Variants in NOVA2 observed in about 807,000 individuals in gnomAD.
The protein encoded by NOVA2 is RNA-binding protein Nova-2.
In NOVA2, 9 loss-of-function variants were observed where a neutral mutation model predicts 22.5. The observed-to-expected ratio is 0.40, with a 90% CI of 0.24 to 0.70. NOVA2 has a LOEUF of 0.70. NOVA2 is among the 30% of genes least tolerant of loss of function. The pLI, the probability that NOVA2 is intolerant of heterozygous loss-of-function variation, is 0.38. For synonymous variants in NOVA2, 318 were observed against 335.2 expected (o/e 0.95, Z 0.56); for missense variants, 383 against 682.8 (o/e 0.56, Z 4.89).
chr19:45,940,377 G>A lies in NOVA2; in HGVS notation c.965C>T (p.Ala322Val), dbSNP rs1383035323. ...VAAGANPAAAAAANLLASYAG... is the reference protein window; with the variant it reads ...VAAGANPAAAVAANLLASYAG... ...GTAGGATGCCAGGAGGTTGGCGGCG[G>A]CGGCGGCTGCTGGGTTGGCCCCGGC... Residue 322 changes from alanine (A) to valine (V), a missense_variant, in exon 4 of 4, where the codon GCC (alanine) becomes GTC (valine). Physicochemically the swap from Ala to Val is moderately conservative, Grantham distance 64. This residue lies in a region of NOVA2 where 349 missense variants were observed against 578.1 expected (regional missense o/e 0.60). Transcript: ENST00000263257. 1 of 1,408,696 alleles carries A rather than the reference G, an allele frequency of 7.1e-7. No individual in the cohort carries two copies. Among genetic ancestry groups the A allele is most frequent in the Non-Finnish European group, 9.3e-7 (1 of 1,073,680 alleles). 87.3% of individuals were successfully genotyped at this position (1,408,696 alleles called of 1,614,324 possible). A position where few individuals can be genotyped will look rare whatever the true frequency, so the allele number is the denominator to read the frequency against.
In NOVA2 at chr19:45,939,757, G is replaced by A. The variant is rs1057193289; in HGVS notation, c.*106C>T. ...CGGGCCTACCCCAGCCCCATCCCAA[G>A]AGGAGCAGGACTACACCAAGCTGAG... On this transcript the variant is annotated 3_prime_UTR_variant, in exon 4 of 4. Transcript: ENST00000263257. The A allele has an allele frequency of 2.6e-5, 37 of 1,431,340 alleles. No individual in the cohort carries two copies. The highest frequency in any genetic ancestry group is 3.3e-5 in the Non-Finnish European group (35 of 1,046,480). The allele number at this position is 1,431,340 out of a possible 1,614,324, so 88.7% of individuals were successfully genotyped here. A position where few individuals can be genotyped will look rare whatever the true frequency, so the allele number is the denominator to read the frequency against.
At chr19:45,946,376 A>G (rs1198970795) in intron 3 of NOVA2, among the ~76,000 whole-genome samples, 1 of 152,238 alleles carries the variant, frequency 6.6e-6, no homozygotes, top group African/African-American at 2.4e-5. Flanking sequence ...CAAAGCACGA[A>G]TGTTGACTGA....
chr19:45,965,193 G>A (rs1222764981), intron 1 of NOVA2, among the ~76,000 whole-genome samples: 1 of 152,118 alleles, frequency 6.6e-6, no homozygotes, highest in Non-Finnish European at 1.5e-5. Flanking sequence ...CAGAAAGATG[G>A]GGAGGGAATT....
chr19:45,960,430 G>A (rs1015473424), intron 2 of NOVA2, among the ~76,000 whole-genome samples: 1 of 151,606 alleles, frequency 6.6e-6, no homozygotes, highest in African/African-American at 2.4e-5. Context: ...CAGATGAAGA[G>A]GACAAGAGAT....
At chr19:45,944,743 A>G (rs1967812226) in intron 3 of NOVA2, among the ~76,000 whole-genome samples, 1 of 152,248 alleles carries the variant, frequency 6.6e-6, no homozygotes, top group African/African-American at 2.4e-5. Flanking sequence ...GCAGATCCAC[A>G]GAGCCAAAAA....
rs1303262080 is a variant in NOVA2 at position 45,973,334 on chromosome 19, CG to C, written c.17del (p.Pro6ArgfsTer30). 4.0e-6 allele frequency: 5 copies of C among 1,264,320 alleles called. No homozygotes were observed. Among genetic ancestry groups the C allele is most frequent in the Non-Finnish European group, 4.0e-6 (4 of 998,136 alleles). The allele number at this position is 1,264,320 out of a possible 1,614,324, so 78.3% of individuals were successfully genotyped here. On this transcript the variant is annotated frameshift_variant, in exon 1 of 4. Transcript: ENST00000263257. LOFTEE classifies it high-confidence loss of function. Reference sequence around the variant, plus strand: ...TTTCGAGGGGCCTCTTGCGGGAATCCGGGGCCTCGGGCTCCATGGGGGGGGC... The same window carrying C: ...TTTCGAGGGGCCTCTTGCGGGAATCCGGGCCTCGGGCTCCATGGGGGGGGC... MEPEA[P>X]DSRKRPLETP...
intron 3 of NOVA2, among the ~76,000 whole-genome samples, chr19:45,946,985 G>C (rs1181185138): frequency 6.6e-6 from 1 of 151,844 alleles, no homozygotes; most frequent in African/African-American, 2.4e-5. Context: ...GTGAATCTAA[G>C]TGCAGTGTAT....
At chr19:45,969,858 AG>A (rs1000299650) in intron 1 of NOVA2, among the ~76,000 whole-genome samples, 2 of 152,134 alleles carry the variant, frequency 1.3e-5, no homozygotes, top group African/African-American at 4.8e-5. Context: ...AGCCACTCAC[AG>A]TGCCCAGAAG....
intron 2 of NOVA2, among the ~76,000 whole-genome samples, chr19:45,959,267 C>T (rs1324578242): frequency 6.6e-6 from 1 of 151,810 alleles, no homozygotes; most frequent in African/African-American, 2.4e-5. Flanking sequence ...AGTCAGCAGC[C>T]GGCTCATGCT....
intron 3 of NOVA2, among the ~76,000 whole-genome samples, chr19:45,942,522 A>T (rs941233339): frequency 1.3e-5 from 2 of 152,146 alleles, no homozygotes; most frequent in Non-Finnish European, 2.9e-5. Context: ...CTAGCAGACT[A>T]ATCTAGTTGT....
rs184366374 is a variant in NOVA2 at position 45,944,716 on chromosome 19, A to C, written c.397-3771T>G. On this transcript the variant is annotated intron_variant, in intron 3 of 3. Transcript: ENST00000263257. ...AAAGACCACAGCTGAGTTCATTTACATAAATGTCCAGAATATGCAGATCCA... is the reference window on the plus strand; with the variant it reads ...AAAGACCACAGCTGAGTTCATTTACCTAAATGTCCAGAATATGCAGATCCA... Among the ~76,000 whole-genome samples, 200 of 152,372 alleles carry C rather than the reference A, an allele frequency of 1.3e-3. 1 individual carries two copies. The highest frequency in any genetic ancestry group is 4.5e-3 in the African/African-American group (186 of 41,592).
intron 3 of NOVA2, among the ~76,000 whole-genome samples, chr19:45,944,391 G>A (rs1967806637): frequency 6.6e-6 from 1 of 152,066 alleles, no homozygotes; most frequent in Non-Finnish European, 1.5e-5. Flanking sequence ...GCAGTGAGCT[G>A]TGATTGTGCC....
intron 3 of NOVA2, among the ~76,000 whole-genome samples, chr19:45,947,818 A>C (rs771944633): frequency 3.3e-5 from 5 of 152,026 alleles, no homozygotes; most frequent in Non-Finnish European, 7.3e-5. Flanking sequence ...AATGTCTAAG[A>C]TTTGTGTAGT....
Position 45,939,845 on chromosome 19 carries a change from G to C in NOVA2, c.*18C>G, listed in dbSNP as rs374293055. ...GAGATGGGAGGAGAGAAAAGGGTGG[G>C]AGCACACACCACAGGCCTCATCCCA... On this transcript the variant is annotated 3_prime_UTR_variant, in exon 4 of 4. Transcript: ENST00000263257. 80 of 1,613,512 alleles carry C rather than the reference G, an allele frequency of 5.0e-5. No individual in the cohort carries two copies. The highest frequency in any genetic ancestry group is 6.4e-5 in the Non-Finnish European group (76 of 1,179,782).
chr19:45,969,380 A>C (rs1301185563), intron 1 of NOVA2, among the ~76,000 whole-genome samples: 1 of 151,528 alleles, frequency 6.6e-6, no homozygotes, highest in Non-Finnish European at 1.5e-5. Context: ...GGTGGTGCAC[A>C]CCTGTAGTTC....
intron 2 of NOVA2, among the ~76,000 whole-genome samples, chr19:45,960,351 G>C (rs1384522210): frequency 6.6e-6 from 1 of 151,582 alleles, no homozygotes; most frequent in Non-Finnish European, 1.5e-5. Flanking sequence ...GGGAAGGAAA[G>C]GATGGGGAGA....
At chr19:45,960,868 C>T in intron 2 of NOVA2, 142 bp downstream of exon 2, 2 of 866,080 alleles carry the variant, frequency 2.3e-6, no homozygotes, top group East Asian at 5.4e-5. Flanking sequence ...GCAGCTCTGT[C>T]CCCTTAGGGG....
Position 45,952,840 on chromosome 19 carries a change from A to G in NOVA2, c.396+940T>C, listed in dbSNP as rs545306148. Among the ~76,000 whole-genome samples the G allele has an allele frequency of 6.6e-5, 10 of 152,202 alleles. No homozygotes were observed. The South Asian group carries it at 1.7e-3, about 25-fold the overall frequency. The stretch of plus-strand genomic sequence containing the variant: ...AGGCTTCTCCGCCCACCATTTCCCC[A>G]TGAGCTTAGGGGAACTCAGGCCTGT... On this transcript the variant is annotated intron_variant, in intron 3 of 3. Coordinates refer to ENST00000263257, the MANE Select transcript of NOVA2 (RefSeq NM_002516.4).
chr19:45,953,690 T>C (rs750945163), intron 3 of NOVA2, 90 bp downstream of exon 3: 122 of 1,498,502 alleles, frequency 8.1e-5, no homozygotes, highest in Non-Finnish European at 1.0e-4. Context: ...CTTTGTCCCA[T>C]TGAACCTCAC....
Sources: allele counts gnomAD v4.1 joint callset (sites outside exome capture counted in the v4.1 genomes callset), GRCh38; gene constraint gnomAD v4.1.1; regional missense constraint gnomAD v4.1.1; transcripts MANE v1.5; gene names NCBI Gene and HGNC (gene_info 2026-07-23, HGNC 2026-07-21).